The following EXD3 variants were observed in gnomAD, a reference collection of about 807,000 sequenced individuals.
EXD3 encodes exonuclease 3'-5' domain containing 3.
Under a neutral mutation model 98.0 loss-of-function variants are expected in EXD3, and 92 were observed. The observed-to-expected ratio is 0.94, with a 90% CI of 0.79 to 1.12. EXD3 has a LOEUF of 1.12. Ranked by LOEUF, EXD3 falls within the 50% of genes most tolerant of loss-of-function variation. The probability of loss-of-function intolerance (pLI) is 0.00; values close to 1 mark genes in which losing one functional copy is unlikely to be tolerated. For missense variants in EXD3, 1,222 were observed against 1,191.6 expected (o/e 1.03, Z -0.38); for synonymous variants, 569 against 526.0 (o/e 1.08, Z -1.12).
chr9:137,335,151 A>G (rs1833289345), intron 17 of EXD3, among the ~76,000 whole-genome samples: 1 of 152,174 alleles, frequency 6.6e-6, no homozygotes, highest in Non-Finnish European at 1.5e-5. Flanking sequence ...CAAACTATGC[A>G]TCTAACGAAG....
rs558599851 is a variant in EXD3, at chr9:137,324,231, G to A, written c.1999-88C>T. The A allele has an allele frequency of 2.0e-5, 24 of 1,184,518 alleles. No homozygotes were observed. Among genetic ancestry groups the A allele is most frequent in the East Asian group, 7.7e-5 (3 of 38,986 alleles). 73.4% of individuals were successfully genotyped at this position (1,184,518 alleles called of 1,614,324 possible). A position where few individuals can be genotyped will look rare whatever the true frequency, so the allele number is the denominator to read the frequency against. ...TCTGCTCGCCACCCCCTAGCTCCCC[G>A]GATCGTGGCCCTGCCCCAGGCCCCT... On this transcript the variant is annotated intron_variant, in intron 17 of 21. Coordinates refer to ENST00000340951, the MANE Select transcript of EXD3 (RefSeq NM_017820.5). The surrounding 1 kb of genome is among the most constrained non-coding windows in gnomAD (Gnocchi z 4.1).
intron 17 of EXD3, among the ~76,000 whole-genome samples, chr9:137,341,116 G>T (rs1233911482): frequency 6.6e-6 from 1 of 152,188 alleles, no homozygotes; most frequent in Non-Finnish European, 1.5e-5. Context: ...AGGAGTTCAA[G>T]ACCAGCCTGG....
intron 20 of EXD3, among the ~76,000 whole-genome samples, chr9:137,308,221 G>A (rs1367674170): frequency 2.0e-5 from 3 of 152,182 alleles, no homozygotes; most frequent in Admixed American, 6.5e-5. Context: ...TGGCCAGCAG[G>A]TGGGAGAAGC....
intron 1 of EXD3, among the ~76,000 whole-genome samples, chr9:137,422,519 C>T (rs1838580408): frequency 2.0e-5 from 3 of 152,204 alleles, no homozygotes; most frequent in Admixed American, 6.5e-5. Flanking sequence ...CTCCGATGGG[C>T]TCTGTTTTCT....
chr9:137,373,789 G>A (rs1353978777), intron 3 of EXD3, among the ~76,000 whole-genome samples, 190 bp from the exon 4 acceptor site: 1 of 152,268 alleles, frequency 6.6e-6, no homozygotes, highest in Non-Finnish European at 1.5e-5. Context: ...GGCCCCCAGG[G>A]GCGGTGGTCA....
At chr9:137,386,664 A>G (rs949346184) in intron 2 of EXD3, among the ~76,000 whole-genome samples, 1 of 152,038 alleles carries the variant, frequency 6.6e-6, no homozygotes, top group African/African-American at 2.4e-5. Flanking sequence ...GGCCCACCAC[A>G]TCCTCCCAGC....
At chr9:137,312,598 C>G (rs1026351642) in intron 19 of EXD3, among the ~76,000 whole-genome samples, 2 of 152,182 alleles carry the variant, frequency 1.3e-5, no homozygotes, top group African/African-American at 4.8e-5. Context: ...CCTCTCCTCT[C>G]CAGGCCCAAG....
intron 1 of EXD3, among the ~76,000 whole-genome samples, chr9:137,421,551 G>T (rs1838514047): frequency 6.6e-6 from 1 of 152,196 alleles, no homozygotes; most frequent in Non-Finnish European, 1.5e-5. Context: ...TCTCAAAGAA[G>T]AACCTGGCTG....
At chr9:137,372,823 A>C in intron 5 of EXD3, 82 bp downstream of exon 5, 1 of 1,425,446 alleles carries the variant, frequency 7.0e-7, no homozygotes, top group Non-Finnish European at 9.5e-7. Context: ...CCCCACACAG[A>C]GGCGGCCCTG....
At chr9:137,364,392 T>C (rs13296264) in intron 7 of EXD3, among the ~76,000 whole-genome samples, 2 of 151,852 alleles carry the variant, frequency 1.3e-5, no homozygotes, top group African/African-American at 4.8e-5. Context: ...GAGGCTGAGG[T>C]GGGTGGATCA....
chr9:137,378,502 C>T (rs1836030829), intron 3 of EXD3, among the ~76,000 whole-genome samples: 2 of 152,202 alleles, frequency 1.3e-5, no homozygotes, highest in African/African-American at 4.8e-5. Context: ...TGAGCCACCA[C>T]ACCCGTCCTC....
At chr9:137,372,016 C>G (rs926979155) in intron 5 of EXD3, among the ~76,000 whole-genome samples, 2 of 152,178 alleles carry the variant, frequency 1.3e-5, no homozygotes, top group East Asian at 1.9e-4. Context: ...GATGCTAGAC[C>G]TGGTCTTCCT....
chr9:137,382,078 G>A (rs1296194865), intron 3 of EXD3, among the ~76,000 whole-genome samples: 5 of 118,370 alleles, frequency 4.2e-5, no homozygotes, highest in East Asian at 2.5e-4. Flanking sequence ...GAGGGCGCGC[G>A]GTGGAGGTCA....
At chr9:137,375,513 A>G (rs1171881424) in intron 3 of EXD3, among the ~76,000 whole-genome samples, 1 of 152,158 alleles carries the variant, frequency 6.6e-6, no homozygotes, top group Non-Finnish European at 1.5e-5. Context: ...AGTGAGTTCT[A>G]GGCCTAGTGA....
intron 7 of EXD3, 104 bp downstream of exon 7, chr9:137,366,389 G>A: frequency 6.8e-7 from 1 of 1,468,822 alleles, no homozygotes; most frequent in Non-Finnish European, 9.2e-7. Context: ...GAACTTCCTG[G>A]GGAGAGCTCT....
At chr9:137,388,402 G>A (rs530729917) in intron 2 of EXD3, among the ~76,000 whole-genome samples, 28 of 152,290 alleles carry the variant, frequency 1.8e-4, no homozygotes, top group African/African-American at 6.5e-4. Context: ...ACACAGGGAC[G>A]CCACTTCCTC....
chr9:137,393,169 G>A lies in EXD3; in HGVS notation c.55+2134C>T, dbSNP rs1269149267. ...CTGTTCCAGGGGCCCTGCTAGCTGGGGTGTTGCACTTTGAAAACATCCCAC... is the reference window on the plus strand; with the variant it reads ...CTGTTCCAGGGGCCCTGCTAGCTGGAGTGTTGCACTTTGAAAACATCCCAC... On this transcript the variant is annotated intron_variant, in intron 2 of 21. Coordinates refer to ENST00000340951, the MANE Select transcript of EXD3 (RefSeq NM_017820.5). This position sits in a 1 kb window ranked among gnomAD's most constrained non-coding sequence, Gnocchi z 4.6. The A allele has an allele frequency of 1.4e-6, 1 of 702,494 alleles. No individual in the cohort carries two copies. Among genetic ancestry groups the A allele is most frequent in the Non-Finnish European group, 2.6e-6 (1 of 384,932 alleles). 43.5% of individuals were successfully genotyped at this position (702,494 alleles called of 1,614,324 possible).
chr9:137,413,912 T>C (rs1388357237), intron 1 of EXD3, among the ~76,000 whole-genome samples: 1 of 151,292 alleles, frequency 6.6e-6, no homozygotes, highest in Admixed American at 6.6e-5. Context: ...TCTGTTGTTT[T>C]TTTTTTCTTT....
chr9:137,308,231 C>T (rs1016784555), intron 20 of EXD3, among the ~76,000 whole-genome samples: 1 of 152,170 alleles, frequency 6.6e-6, no homozygotes, highest in Admixed American at 6.5e-5. Context: ...GTGGGAGAAG[C>T]GTCTGCCCTG....
Sources: gnomAD v4.1 joint callset for allele counts (sites outside exome capture counted in the v4.1 genomes callset) on GRCh38, gnomAD v4.1.1 for gene constraint, Gnocchi (gnomAD v3.1) non-coding constraint, MANE v1.5 for transcripts, NCBI Gene and HGNC (gene_info 2026-07-23, HGNC 2026-07-21) for gene names.